Variants in ATP13A5 observed in about 807,000 individuals in gnomAD.
ATP13A5 encodes the protein probable cation-transporting ATPase 13A5.
In ATP13A5, 149 loss-of-function variants were observed where a neutral mutation model predicts 150.2. That is an observed-to-expected ratio of 0.99 (90% CI 0.87 to 1.14). The LOEUF (loss-of-function observed/expected upper bound fraction) is 1.14. ATP13A5 is among the 50% of genes most tolerant of loss of function. The pLI, the probability that ATP13A5 is intolerant of heterozygous loss-of-function variation, is 0.00. For missense variants in ATP13A5, 1,383 were observed against 1,449.3 expected (o/e 0.95, Z 0.74); for synonymous variants, 497 against 522.2 (o/e 0.95, Z 0.66).
intron 10 of ATP13A5, among the ~76,000 whole-genome samples, chr3:193,334,719 A>G (rs1262915174): frequency 2.6e-5 from 4 of 152,224 alleles, no homozygotes; most frequent in Non-Finnish European, 5.9e-5. Context: ...TACTTCACCT[A>G]CACATACCCT....
chr3:193,372,745 C>A (rs187064385), intron 1 of ATP13A5, among the ~76,000 whole-genome samples: 3 of 152,296 alleles, frequency 2.0e-5, no homozygotes, highest in Admixed American at 2.0e-4. Context: ...GTCACTGATA[C>A]CCTCACCTTG....
intron 6 of ATP13A5, among the ~76,000 whole-genome samples, chr3:193,353,872 C>A (rs1577367053): frequency 6.7e-6 from 1 of 149,512 alleles, no homozygotes; most frequent in East Asian, 2.0e-4. Flanking sequence ...ACCCCACCAC[C>A]ACCACCACCA....
chr3:193,308,464 CA>C (rs966123663), intron 21 of ATP13A5, among the ~76,000 whole-genome samples: 1 of 151,584 alleles, frequency 6.6e-6, no homozygotes, highest in Non-Finnish European at 1.5e-5. Context: ...GTCTCAAAAA[CA>C]AAAAAAAGTC....
At chr3:193,314,891 A>G (rs1485336575) in intron 18 of ATP13A5, 81 bp downstream of exon 18, 1 of 1,538,960 alleles carries the variant, frequency 6.5e-7, no homozygotes, top group Admixed American at 1.8e-5. Flanking sequence ...TCTCTGATAC[A>G]TGAACTCACT....
intron 22 of ATP13A5, chr3:193,307,101 C>A (rs1398501198): frequency 8.1e-6 from 11 of 1,354,904 alleles, no homozygotes; most frequent in Non-Finnish European, 9.5e-6. Flanking sequence ...AAGTAGCCTT[C>A]CTTTGTGTTT....
intron 2 of ATP13A5, 116 bp from the exon 3 acceptor site, chr3:193,363,498 A>G: frequency 1.1e-6 from 1 of 916,556 alleles, no homozygotes. Context: ...CATCAGCTTT[A>G]TCTCAGAACT....
chr3:193,335,208 T>C (rs1711808358), intron 9 of ATP13A5, 109 bp from the exon 10 acceptor site: 1 of 962,272 alleles, frequency 1.0e-6, no homozygotes, highest in African/African-American at 1.6e-5. Context: ...CCGGTCTTAA[T>C]GCCCATCCCA....
At chr3:193,377,398 T>C (rs115315834) in intron 1 of ATP13A5, among the ~76,000 whole-genome samples, 2,340 of 152,282 alleles carry the variant, frequency 0.015, 39 homozygotes, top group Non-Finnish European at 0.023. Context: ...GCAGGTGAAA[T>C]TTTTACCTAA....
intron 1 of ATP13A5, among the ~76,000 whole-genome samples, chr3:193,372,742 A>T (rs1484492853): frequency 1.3e-5 from 2 of 152,236 alleles, no homozygotes; most frequent in South Asian, 4.1e-4. Context: ...CAAGTCACTG[A>T]TACCCTCACC....
chr3:193,283,626 C>G (rs60263179), intron 27 of ATP13A5, among the ~76,000 whole-genome samples: 1,595 of 152,128 alleles, frequency 0.01, 54 homozygotes, highest in East Asian at 0.071. Context: ...GAAGCACACC[C>G]TCTCCAAAAC....
intron 25 of ATP13A5, among the ~76,000 whole-genome samples, chr3:193,292,337 T>TC (rs1484411973): frequency 6.6e-6 from 1 of 152,166 alleles, no homozygotes; most frequent in Non-Finnish European, 1.5e-5. Context: ...AAATTGCTTC[T>TC]CTGTGCATCT....
chr3:193,336,797 T>C (rs199759510), intron 9 of ATP13A5, among the ~76,000 whole-genome samples: 9 of 152,138 alleles, frequency 5.9e-5, no homozygotes, highest in East Asian at 1.9e-4. Flanking sequence ...TTCTAGATCC[T>C]TGAGGAATCG....
chr3:193,336,571 C>T (rs1054490150), intron 9 of ATP13A5, among the ~76,000 whole-genome samples: 7 of 152,100 alleles, frequency 4.6e-5, no homozygotes, highest in African/African-American at 1.4e-4. Context: ...TGAACTCATC[C>T]GTTTTTATGG....
At chr3:193,280,293 C>T (rs1717427764) in intron 27 of ATP13A5, among the ~76,000 whole-genome samples, 1 of 152,120 alleles carries the variant, frequency 6.6e-6, no homozygotes, top group Admixed American at 6.6e-5. Context: ...GACCTGCGAT[C>T]CACCCGCCTC....
chr3:193,295,766 T>G (rs1718144745), intron 25 of ATP13A5, among the ~76,000 whole-genome samples: 1 of 152,168 alleles, frequency 6.6e-6, no homozygotes, highest in Admixed American at 6.6e-5. Context: ...ATTGGTTATT[T>G]AACTATAAGC....
intron 23 of ATP13A5, among the ~76,000 whole-genome samples, chr3:193,302,535 C>T (rs947523007): frequency 5.9e-5 from 9 of 152,094 alleles, no homozygotes; most frequent in African/African-American, 2.2e-4. Flanking sequence ...ATAAATGGGC[C>T]TCCAAAATTA....
intron 7 of ATP13A5, among the ~76,000 whole-genome samples, chr3:193,345,660 G>C (rs1480852940): frequency 6.6e-6 from 1 of 152,132 alleles, no homozygotes; most frequent in South Asian, 2.1e-4. Context: ...CCAAGACTCA[G>C]GTATTGTAAC....
chr3:193,367,458 T>G (rs1209645209), intron 1 of ATP13A5, among the ~76,000 whole-genome samples: 1 of 152,108 alleles, frequency 6.6e-6, no homozygotes, highest in African/African-American at 2.4e-5. Flanking sequence ...GTAGAAGAGA[T>G]GAAAATTCTC....
chr3:193,353,273 A>G (rs1331762578), intron 6 of ATP13A5, among the ~76,000 whole-genome samples: 1 of 151,962 alleles, frequency 6.6e-6, no homozygotes, highest in African/African-American at 2.4e-5. Flanking sequence ...GCACAGAGAG[A>G]AAGAGAAAAA....
Sources: allele counts gnomAD v4.1 joint callset (sites outside exome capture counted in the v4.1 genomes callset), GRCh38; gene constraint gnomAD v4.1.1; transcripts MANE v1.5; gene names NCBI Gene and HGNC (gene_info 2026-07-23, HGNC 2026-07-21).